The following NDUFA10 variants were observed in gnomAD, a reference collection of about 807,000 sequenced individuals.
NDUFA10 encodes the protein NADH dehydrogenase [ubiquinone] 1 alpha subcomplex subunit 10, mitochondrial.
In NDUFA10, 40 loss-of-function variants were observed where a neutral mutation model predicts 47.8. That is an observed-to-expected ratio of 0.84 (90% confidence interval 0.65 to 1.09). NDUFA10 has a LOEUF of 1.09. NDUFA10 is among the 50% of genes least tolerant of loss of function. The pLI, the probability that NDUFA10 is intolerant of heterozygous loss-of-function variation, is 0.00. For missense variants in NDUFA10, 413 were observed against 451.1 expected (o/e 0.92, Z 0.76); for synonymous variants, 183 against 172.2 (o/e 1.06, Z -0.49).
intron 4 of NDUFA10, among the ~76,000 whole-genome samples, chr2:239,919,187 C>T (rs532595472): frequency 6.6e-6 from 1 of 152,324 alleles, no homozygotes; most frequent in East Asian, 1.9e-4. Flanking sequence ...TGTGGACCTT[C>T]GGTGGCACAG....
intron 4 of NDUFA10, among the ~76,000 whole-genome samples, chr2:239,922,868 T>C (rs1350586965): frequency 6.6e-6 from 1 of 152,118 alleles, no homozygotes; most frequent in Non-Finnish European, 1.5e-5. Flanking sequence ...ATACCACACC[T>C]TTGCGAAGTA....
At position 239,929,176 on chromosome 2, in the gene NDUFA10, G is replaced by A. The variant is rs185007078; in HGVS notation, c.295-33862C>T. Reference sequence around the variant, plus strand: ...GATGCAGCCACCCAGGCGAGACGCTGCCCTGACACTGCAGTGATGTGCGTG... The same window carrying A: ...GATGCAGCCACCCAGGCGAGACGCTACCCTGACACTGCAGTGATGTGCGTG... On this transcript the variant is annotated intron_variant, in intron 4 of 5. Transcript: ENST00000419408. 2.5e-3 allele frequency among the ~76,000 whole-genome samples: 387 copies of A among 152,338 alleles called. 1 individual carries two copies. The highest frequency in any genetic ancestry group is 8.7e-3 in the African/African-American group (363 of 41,586).
At chr2:239,969,435 C>CCTGACCCCGCATCTG (rs1553563005) in intron 9 of NDUFA10, 27 of 313,432 alleles carry the variant, frequency 8.6e-5, no homozygotes, top group Non-Finnish European at 6.4e-5. Flanking sequence ...TCCTGCTGCT[C>CCTGACCCCGCATCTG]CTGACCCTCA....
At chr2:240,004,041 C>A (rs1268071894) in intron 8 of NDUFA10, among the ~76,000 whole-genome samples, 1 of 152,152 alleles carries the variant, frequency 6.6e-6, no homozygotes, top group Non-Finnish European at 1.5e-5. Flanking sequence ...GAGACACTGC[C>A]CGGGGTCACT....
chr2:240,017,714 C>T (rs1322710790), intron 4 of NDUFA10: 3 of 902,148 alleles, frequency 3.3e-6, no homozygotes, highest in Non-Finnish European at 5.3e-6. Flanking sequence ...GAAGCACGGG[C>T]TTGCAGTGCT....
chr2:240,020,856 T>G (rs534819524), intron 3 of NDUFA10, among the ~76,000 whole-genome samples: 1 of 152,334 alleles, frequency 6.6e-6, no homozygotes, highest in South Asian at 2.1e-4. Context: ...TTCATAAGTG[T>G]GATCCCGTTT....
chr2:239,998,413 G>C (rs746977875), intron 8 of NDUFA10, among the ~76,000 whole-genome samples: 27 of 152,218 alleles, frequency 1.8e-4, no homozygotes, highest in African/African-American at 5.1e-4. Context: ...TCCCCTGCCT[G>C]AAGTTTTTCT....
intron 3 of NDUFA10, 138 bp from the exon 4 acceptor site, chr2:240,018,777 A>C: frequency 9.8e-7 from 1 of 1,016,640 alleles, no homozygotes; most frequent in Non-Finnish European, 1.5e-6. Context: ...AAAAGAACAT[A>C]GACATATTTG....
At chr2:239,994,078 G>A (rs1406794144) in intron 8 of NDUFA10, among the ~76,000 whole-genome samples, 1 of 152,152 alleles carries the variant, frequency 6.6e-6, no homozygotes, top group African/African-American at 2.4e-5. Context: ...CAGAAGTGCT[G>A]TGGAACAGAC....
chr2:239,955,780 C>A (rs1386595362), downstream of NDUFA10, among the ~76,000 whole-genome samples: 2 of 152,156 alleles, frequency 1.3e-5, no homozygotes, highest in Admixed American at 6.5e-5. Context: ...CAGCTCCAAA[C>A]CCACGGCCAG....
In NDUFA10 at chr2:239,928,289, C is replaced by CA. The variant is rs1694099208; in HGVS notation, c.295-32976dup. ...AGAAAATGTATACCTCAACTGCTTT[C>CA]ATGTTTTCCAAGAAATAAAGGAGCA... is the stretch of plus-strand genomic sequence containing the variant. On this transcript the variant is annotated intron_variant, in intron 4 of 5. Transcript: ENST00000419408. This position sits in a 1 kb window ranked among gnomAD's most constrained non-coding sequence, Gnocchi z 4.3. 6.6e-6 allele frequency among the ~76,000 whole-genome samples: 1 copy of CA among 152,158 alleles called. No individual in the cohort carries two copies.
intron 8 of NDUFA10, among the ~76,000 whole-genome samples, chr2:239,993,674 G>A (rs1455849838): frequency 1.3e-5 from 2 of 152,220 alleles, no homozygotes; most frequent in Non-Finnish European, 2.9e-5. Context: ...AAGAAATAAA[G>A]AGGCAGAGGA....
At position 239,944,340 on chromosome 2, in the gene NDUFA10, C is replaced by T. The variant is rs1365036781; in HGVS notation, c.294+45734G>A. 2.0e-5 allele frequency among the ~76,000 whole-genome samples: 3 copies of T among 152,226 alleles called. No individual in the cohort carries two copies. The East Asian group carries it at 5.8e-4, about 29-fold the overall frequency. On this transcript the variant is annotated intron_variant, in intron 4 of 5. Transcript: ENST00000419408. ...TCTGGCGTCTGCTCCAGCCTGGCGT[C>T]CCCCATGCTGAGTGTGGCCCCAGGG...
At chr2:239,994,064 C>T (rs939035541) in intron 8 of NDUFA10, among the ~76,000 whole-genome samples, 12 of 152,134 alleles carry the variant, frequency 7.9e-5, no homozygotes, top group Non-Finnish European at 1.3e-4. Flanking sequence ...GGAGTCCCGC[C>T]CCACAGAAGT....
rs1188352208 is a variant in NDUFA10, at chr2:240,016,936, G to A, written c.547+1617C>T. ...CCCCTGTGCATCCTTCCCCCTTAGC[G>A]GCCCACTAGCCAGGGCAGGTCCACG... On this transcript the variant is annotated intron_variant, in intron 4 of 9. Coordinates refer to ENST00000252711, the MANE Select transcript of NDUFA10 (RefSeq NM_004544.4). This position sits in a 1 kb window ranked among gnomAD's most constrained non-coding sequence, Gnocchi z 4.4. 1.3e-5 allele frequency among the ~76,000 whole-genome samples: 2 copies of A among 151,940 alleles called. No homozygotes were observed. The highest frequency in any genetic ancestry group is 2.9e-5 in the Non-Finnish European group (2 of 67,976).
chr2:240,024,921 T>G (rs954902265), intron 1 of NDUFA10, among the ~76,000 whole-genome samples: 1 of 152,220 alleles, frequency 6.6e-6, no homozygotes, highest in African/African-American at 2.4e-5. Flanking sequence ...CAAGCGCGTG[T>G]GCCCCCGGCC....
chr2:239,931,175 G>A (rs1286326731), intron 4 of NDUFA10, among the ~76,000 whole-genome samples: 1 of 152,148 alleles, frequency 6.6e-6, no homozygotes, highest in Non-Finnish European at 1.5e-5. Flanking sequence ...GAGCTCTTTG[G>A]GGCAGACCGG....
chr2:239,986,408 C>T (rs1171809024), intron 9 of NDUFA10, among the ~76,000 whole-genome samples: 1 of 152,156 alleles, frequency 6.6e-6, no homozygotes, highest in Non-Finnish European at 1.5e-5. Context: ...GGTAAATACA[C>T]TTAGATGACA....
chr2:239,894,643 C>A, intron 5 of NDUFA10, among the ~76,000 whole-genome samples: 1 of 152,048 alleles, frequency 6.6e-6, no homozygotes, highest in East Asian at 1.9e-4. Context: ...TGTCAACAGT[C>A]CCCACGCCAG....
Sources: allele counts gnomAD v4.1 joint callset (sites outside exome capture counted in the v4.1 genomes callset), GRCh38; gene constraint gnomAD v4.1.1; non-coding constraint Gnocchi (gnomAD v3.1); transcripts MANE v1.5; gene names NCBI Gene and HGNC (gene_info 2026-07-23, HGNC 2026-07-21).